Variants in ADAMTS3 observed in about 807,000 individuals in gnomAD.
ADAMTS3 encodes the protein A disintegrin and metalloproteinase with thrombospondin motifs 3.
ADAMTS3 carries 73 observed loss-of-function variants against 129.0 expected under a neutral mutation model. The observed-to-expected ratio is 0.57, with a 90% CI of 0.47 to 0.69. The LOEUF is 0.69. Among genes scored for constraint, ADAMTS3 ranks in the 30% least tolerant of loss-of-function variants. The pLI, the probability that ADAMTS3 is intolerant of heterozygous loss-of-function variation, is 0.00. For synonymous variants in ADAMTS3, 477 were observed against 510.8 expected (o/e 0.93, Z 0.89); for missense variants, 1,457 against 1,514.5 (o/e 0.96, Z 0.63).
At chr4:72,445,536 C>A (rs1459828405) in intron 3 of ADAMTS3, among the ~76,000 whole-genome samples, 1 of 151,616 alleles carries the variant, frequency 6.6e-6, no homozygotes, top group East Asian at 2.0e-4. Flanking sequence ...TTTTAATGCC[C>A]TTATTTTGAA....
At chr4:72,444,843 T>C (rs1718210905) in intron 3 of ADAMTS3, among the ~76,000 whole-genome samples, 1 of 151,754 alleles carries the variant, frequency 6.6e-6, no homozygotes, top group African/African-American at 2.4e-5. Flanking sequence ...GGTATAGCCA[T>C]ACAATGGCAC....
intron 3 of ADAMTS3, among the ~76,000 whole-genome samples, chr4:72,438,035 T>C (rs1320181381): frequency 6.6e-6 from 1 of 151,736 alleles, no homozygotes; most frequent in Admixed American, 6.6e-5. Context: ...CTCATGGTTT[T>C]AGCTATTGTG....
At chr4:72,414,386 A>AT (rs35178506) in intron 4 of ADAMTS3, among the ~76,000 whole-genome samples, 101,528 of 151,668 alleles carry the variant, frequency 0.67, 34,621 homozygotes, top group South Asian at 0.8. Context: ...GACAAGTGGC[A>AT]TATTATTTTC....
intron 3 of ADAMTS3, among the ~76,000 whole-genome samples, chr4:72,432,011 A>G (rs1722712239): frequency 1.3e-5 from 2 of 151,900 alleles, no homozygotes; most frequent in Admixed American, 6.6e-5. Context: ...AAATGAAGAG[A>G]AAGCCCAAGA....
intron 3 of ADAMTS3, among the ~76,000 whole-genome samples, chr4:72,452,847 G>A (rs1005935881): frequency 4.6e-5 from 7 of 151,726 alleles, no homozygotes; most frequent in African/African-American, 1.7e-4. Flanking sequence ...GTGTCAAATA[G>A]CCAAATACCA....
chr4:72,456,844 T>C (rs968528410), intron 3 of ADAMTS3, among the ~76,000 whole-genome samples: 16 of 151,594 alleles, frequency 1.1e-4, no homozygotes, highest in African/African-American at 3.9e-4. Flanking sequence ...GAGCACTCCC[T>C]ATATAGTGCC....
intron 3 of ADAMTS3, among the ~76,000 whole-genome samples, chr4:72,440,128 A>T (rs979212600): frequency 6.6e-6 from 1 of 151,758 alleles, no homozygotes; most frequent in Non-Finnish European, 1.5e-5. Flanking sequence ...GTTACTGCCT[A>T]AAAAAATGGT....
At chr4:72,372,315 A>G (rs1721029539) in intron 4 of ADAMTS3, among the ~76,000 whole-genome samples, 1 of 152,146 alleles carries the variant, frequency 6.6e-6, no homozygotes, top group Non-Finnish European at 1.5e-5. Flanking sequence ...TGTGGGAAGA[A>G]TAATACTATA....
chr4:72,461,526 T>C (rs1194520884), intron 3 of ADAMTS3, among the ~76,000 whole-genome samples: 1 of 151,804 alleles, frequency 6.6e-6, no homozygotes, highest in Non-Finnish European at 1.5e-5. Flanking sequence ...AGGCAATGGA[T>C]ATAAGCAACT....
intron 3 of ADAMTS3, among the ~76,000 whole-genome samples, chr4:72,430,687 A>T (rs1437665978): frequency 6.6e-6 from 1 of 152,026 alleles, no homozygotes; most frequent in East Asian, 1.9e-4. Context: ...AAACTGCAAG[A>T]ATGGAATTAG....
At chr4:72,433,291 T>G (rs188991531) in intron 3 of ADAMTS3, among the ~76,000 whole-genome samples, 111 of 152,052 alleles carry the variant, frequency 7.3e-4, no homozygotes, top group Admixed American at 3.0e-3. Flanking sequence ...GACTGTCTAG[T>G]TTCCTTTGTT....
At chr4:72,417,645 T>C (rs183168272) in intron 3 of ADAMTS3, among the ~76,000 whole-genome samples, 28 of 152,108 alleles carry the variant, frequency 1.8e-4, no homozygotes, top group Admixed American at 4.6e-4. Flanking sequence ...AAAGTACTTA[T>C]ATAGGCTGGG....
chr4:72,439,203 A>G (rs972002292), intron 3 of ADAMTS3, among the ~76,000 whole-genome samples: 9 of 151,708 alleles, frequency 5.9e-5, no homozygotes, highest in African/African-American at 1.9e-4. Context: ...ATTTTTAAAA[A>G]CAGTACATGC....
intron 4 of ADAMTS3, among the ~76,000 whole-genome samples, chr4:72,390,650 G>A (rs772394893): frequency 4.2e-4 from 64 of 152,044 alleles, no homozygotes; most frequent in Non-Finnish European, 5.0e-4. Flanking sequence ...TATACAGGAA[G>A]GAGCAAAAGG....
At position 72,556,741 on chromosome 4, in the gene ADAMTS3, T is replaced by G. The variant is rs541931057; in HGVS notation, c.98-7857A>C. On this transcript the variant is annotated intron_variant, in intron 2 of 21. Transcript: ENST00000286657. ...GGCTCGCAGAGGTTATCTGTAAAAA[T>G]AAAAATAATAATGGGGACCAAATGA... is the stretch of plus-strand genomic sequence containing the variant. Among the ~76,000 whole-genome samples, 117 of 151,620 alleles carry G rather than the reference T, an allele frequency of 7.7e-4. 1 individual carries two copies. Among genetic ancestry groups the G allele is most frequent in the Middle Eastern group, 3.4e-3 (1 of 294 alleles).
chr4:72,310,685 A>G (rs1048441372), intron 14 of ADAMTS3, among the ~76,000 whole-genome samples: 6 of 152,166 alleles, frequency 3.9e-5, no homozygotes, highest in African/African-American at 1.4e-4. Context: ...AAGATTAAAT[A>G]TACTTAGCAC....
At chr4:72,396,363 A>C (rs960254601) in intron 4 of ADAMTS3, among the ~76,000 whole-genome samples, 5 of 152,218 alleles carry the variant, frequency 3.3e-5, no homozygotes, top group African/African-American at 1.2e-4. Context: ...AATTAAAAAC[A>C]TGAAGTAACA....
chr4:72,346,783 C>T (rs1410274106), intron 4 of ADAMTS3, among the ~76,000 whole-genome samples: 6 of 152,036 alleles, frequency 3.9e-5, no homozygotes, highest in South Asian at 4.1e-4. Context: ...CTAAATCCAG[C>T]GACTCTAGGT....
chr4:72,309,318 C>T lies in ADAMTS3; in HGVS notation c.2179+79G>A, dbSNP rs1719166913. 4.2e-6 allele frequency: 6 copies of T among 1,422,242 alleles called. No individual in the cohort carries two copies. In the Admixed American group the frequency reaches 5.3e-5, roughly 13 times the overall value. The allele number at this position is 1,422,242 out of a possible 1,614,324, so 88.1% of individuals were successfully genotyped here. A position where few individuals can be genotyped will look rare whatever the true frequency, so the allele number is the denominator to read the frequency against. ...TTTGATTATGTTTATAGAGAAAATGCTGCATTTCTAAAGGAAGAAGCCTCA... is the reference window on the plus strand; with the variant it reads ...TTTGATTATGTTTATAGAGAAAATGTTGCATTTCTAAAGGAAGAAGCCTCA... On this transcript the variant is annotated intron_variant, in intron 15 of 21. Transcript: ENST00000286657.
Sources: gnomAD v4.1 joint callset for allele counts (sites outside exome capture counted in the v4.1 genomes callset) on GRCh38, gnomAD v4.1.1 for gene constraint, MANE v1.5 for transcripts, NCBI Gene and HGNC (gene_info 2026-07-23, HGNC 2026-07-21) for gene names.